PRKCE: variants seen among roughly 807,000 people sequenced by gnomAD.
The protein encoded by PRKCE is protein kinase C epsilon type.
A neutral mutation model predicts 85.4 loss-of-function variants in PRKCE; 16 were observed. The ratio of observed to expected loss-of-function variants is 0.19; its 90% confidence interval spans 0.13 to 0.28. The LOEUF is 0.28. Ranked by LOEUF, PRKCE falls within the 10% of genes least tolerant of loss-of-function variation. PRKCE has a pLI of 1.00. For synonymous variants in PRKCE, 388 were observed against 371.5 expected (o/e 1.04, Z -0.51); for missense variants, 573 against 975.2 (o/e 0.59, Z 5.49).
At chr2:45,807,084 T>C (rs1179603197) in intron 1 of PRKCE, among the ~76,000 whole-genome samples, 1 of 152,204 alleles carries the variant, frequency 6.6e-6, no homozygotes, top group Non-Finnish European at 1.5e-5. Context: ...GGGGAGCAGA[T>C]AGGCCTTGGT....
intron 1 of PRKCE, among the ~76,000 whole-genome samples, chr2:45,800,368 G>T (rs549307947): frequency 5.2e-4 from 79 of 152,354 alleles, no homozygotes; most frequent in African/African-American, 1.9e-3. Flanking sequence ...CATGCTGGGG[G>T]GTCTGACTCG....
chr2:46,133,573 A>G (rs1489308939), intron 11 of PRKCE, among the ~76,000 whole-genome samples: 1 of 152,200 alleles, frequency 6.6e-6, no homozygotes, highest in Non-Finnish European at 1.5e-5. Context: ...CATGCTGCCA[A>G]TTTGATGGAC....
intron 1 of PRKCE, among the ~76,000 whole-genome samples, chr2:45,798,094 T>G (rs6724981): frequency 0.044 from 6,678 of 152,226 alleles, 484 homozygotes; most frequent in African/African-American, 0.15. Context: ...CCAGGCTTAA[T>G]GAGTGTACTT....
chr2:45,821,920 C>A (rs975867617), intron 1 of PRKCE, among the ~76,000 whole-genome samples: 2 of 152,052 alleles, frequency 1.3e-5, no homozygotes, highest in African/African-American at 4.8e-5. Context: ...AGGATTGGCA[C>A]CAGGGACGAG....
intron 2 of PRKCE, among the ~76,000 whole-genome samples, chr2:45,931,145 T>C (rs1287714227): frequency 2.0e-5 from 3 of 152,214 alleles, no homozygotes; most frequent in Admixed American, 6.5e-5. Context: ...TAAGATTGCC[T>C]CTGGATTGAT....
At chr2:46,020,366 A>G (rs543325047) in intron 10 of PRKCE, among the ~76,000 whole-genome samples, 14 of 152,230 alleles carry the variant, frequency 9.2e-5, no homozygotes, top group African/African-American at 3.1e-4. Context: ...CTTTGAAAAC[A>G]GTTTAAAACC....
chr2:45,908,142 A>T lies in PRKCE; in HGVS notation c.412+65079A>T, dbSNP rs542674916. 2.6e-5 allele frequency among the ~76,000 whole-genome samples: 4 copies of T among 152,222 alleles called. No individual in the cohort carries two copies. In the East Asian group the frequency reaches 7.7e-4, roughly 29 times the overall value. ...CCGCTGGCCAAGGGGAAGGAATTATATCTCAGTCATGTGGCCCCTCACTGT... is the reference window on the plus strand; with the variant it reads ...CCGCTGGCCAAGGGGAAGGAATTATTTCTCAGTCATGTGGCCCCTCACTGT... On this transcript the variant is annotated intron_variant, in intron 2 of 14. Coordinates refer to ENST00000306156, the MANE Select transcript of PRKCE (RefSeq NM_005400.3).
At chr2:45,921,925 G>A (rs1448536100) in intron 2 of PRKCE, among the ~76,000 whole-genome samples, 1 of 152,122 alleles carries the variant, frequency 6.6e-6, no homozygotes, top group African/African-American at 2.4e-5. Flanking sequence ...GTTTAGTAGT[G>A]GAGATAGGAT....
intron 1 of PRKCE, among the ~76,000 whole-genome samples, chr2:45,690,341 T>C (rs1000623744): frequency 5.9e-5 from 9 of 152,260 alleles, no homozygotes; most frequent in Admixed American, 5.2e-4. Flanking sequence ...GCTGCTTCTC[T>C]TGGGGGATAA....
intron 11 of PRKCE, among the ~76,000 whole-genome samples, chr2:46,135,020 TACAGCC>T: frequency 6.6e-6 from 1 of 152,346 alleles, no homozygotes; most frequent in South Asian, 2.1e-4. Context: ...AATGCCCAGG[TACAGCC>T]ACAGGCTGTT....
At chr2:46,110,713 A>G (rs1672176417) in intron 11 of PRKCE, among the ~76,000 whole-genome samples, 1 of 148,942 alleles carries the variant, frequency 6.7e-6, no homozygotes, top group Non-Finnish European at 1.5e-5. Context: ...TCTGATTTCT[A>G]TTATTTGTTT....
rs373711966 is a variant in PRKCE, at chr2:45,839,675, G to A, written c.349-3325G>A. 4.6e-5 allele frequency among the ~76,000 whole-genome samples: 7 copies of A among 152,290 alleles called. No homozygotes were observed. In the East Asian group the frequency reaches 7.7e-4, roughly 17 times the overall value. Reference sequence around the variant, plus strand: ...CATTATCTGGACCATGTAATCGTGAGCAGAATTTATGATTAAACTAATTCA... The same window carrying A: ...CATTATCTGGACCATGTAATCGTGAACAGAATTTATGATTAAACTAATTCA... On this transcript the variant is annotated intron_variant, in intron 1 of 14. Transcript: ENST00000306156.
chr2:46,104,097 A>G (rs960173105), intron 11 of PRKCE, among the ~76,000 whole-genome samples: 26 of 152,200 alleles, frequency 1.7e-4, no homozygotes, highest in African/African-American at 6.0e-4. Context: ...GCAACCTTGA[A>G]TAATCAGAAT....
At chr2:46,176,271 G>C (rs906908247) in intron 14 of PRKCE, among the ~76,000 whole-genome samples, 1 of 152,106 alleles carries the variant, frequency 6.6e-6, no homozygotes, top group African/African-American at 2.4e-5. Context: ...AGATCCCAAA[G>C]CAGTTCAACA....
chr2:45,689,364 G>T (rs534516024), intron 1 of PRKCE, among the ~76,000 whole-genome samples: 1 of 152,252 alleles, frequency 6.6e-6, no homozygotes, highest in East Asian at 1.9e-4. Context: ...GAACTGAACT[G>T]AACTGAATGG....
intron 2 of PRKCE, among the ~76,000 whole-genome samples, chr2:45,967,963 C>G (rs554863217): frequency 5.1e-4 from 77 of 152,244 alleles, no homozygotes; most frequent in Admixed American, 4.3e-3. Context: ...AAGAAGACCC[C>G]ACAGCACACC....
chr2:45,777,120 G>C (rs752580225), intron 1 of PRKCE, among the ~76,000 whole-genome samples: 1 of 152,094 alleles, frequency 6.6e-6, no homozygotes, highest in Non-Finnish European at 1.5e-5. Flanking sequence ...TAATTCACTC[G>C]ACATTTGGAA....
intron 13 of PRKCE, among the ~76,000 whole-genome samples, chr2:46,152,700 C>A (rs920939179): frequency 6.6e-6 from 1 of 151,896 alleles, no homozygotes; most frequent in Non-Finnish European, 1.5e-5. Context: ...AGGCGCCCAC[C>A]ACCATGCTCA....
chr2:45,686,530 A>G (rs932848502), intron 1 of PRKCE, among the ~76,000 whole-genome samples: 1 of 152,210 alleles, frequency 6.6e-6, no homozygotes, highest in East Asian at 1.9e-4. Flanking sequence ...ATAAGGTAAT[A>G]CAGTGAGGTG....
Sources: allele counts gnomAD v4.1 joint callset (sites outside exome capture counted in the v4.1 genomes callset), GRCh38; gene constraint gnomAD v4.1.1; transcripts MANE v1.5; gene names NCBI Gene and HGNC (gene_info 2026-07-23, HGNC 2026-07-21).